The following GRIA1 variants were observed in gnomAD, a reference collection of about 807,000 sequenced individuals.
The protein encoded by GRIA1 is glutamate ionotropic receptor AMPA type subunit 1.
GRIA1 carries 31 observed loss-of-function variants against 99.2 expected under a neutral mutation model. The observed-to-expected ratio is 0.31, with a 90% CI of 0.23 to 0.42. GRIA1 has a LOEUF of 0.42. Among genes scored for constraint, GRIA1 ranks in the 10% least tolerant of loss-of-function variants. The probability of loss-of-function intolerance (pLI) is 1.00; values close to 1 mark genes in which losing one functional copy is unlikely to be tolerated. For missense variants in GRIA1, 782 were observed against 1,157.5 expected, an observed-to-expected ratio of 0.68 and a Z score of 4.71; for synonymous variants, 438 against 432.4, an observed-to-expected ratio of 1.01 and a Z score of -0.16.
In GRIA1 at chr5:153,583,442, A is replaced by T. The variant is rs530078411; in HGVS notation, c.221-63486A>T. 4.6e-5 allele frequency among the ~76,000 whole-genome samples: 7 copies of T among 152,248 alleles called. No homozygotes were observed. The East Asian group carries it at 1.4e-3, about 30-fold the overall frequency. ...CTCTTCCTAGCTTCTGGTGGTTGCC[A>T]TCAATCCTGGGTGATCCTTGACTTG... On this transcript the variant is annotated intron_variant, in intron 2 of 15. Coordinates refer to ENST00000285900, the MANE Select transcript of GRIA1 (RefSeq NM_000827.4).
chr5:153,661,713 T>C (rs1385936852), intron 5 of GRIA1, among the ~76,000 whole-genome samples: 1 of 152,218 alleles, frequency 6.6e-6, no homozygotes, highest in Non-Finnish European at 1.5e-5. Flanking sequence ...GAAAATAATG[T>C]CTGCACCTAC....
chr5:153,655,366 T>C (rs1459116938), intron 4 of GRIA1, among the ~76,000 whole-genome samples: 1 of 152,148 alleles, frequency 6.6e-6, no homozygotes, highest in Non-Finnish European at 1.5e-5. Flanking sequence ...CCACCATCCA[T>C]CTATTAACTC....
chr5:153,615,791 TC>T (rs1017258409), intron 2 of GRIA1, among the ~76,000 whole-genome samples: 2 of 152,190 alleles, frequency 1.3e-5, no homozygotes, highest in African/African-American at 4.8e-5. Flanking sequence ...CCCTTCCTCA[TC>T]CCCATCTCTA....
In GRIA1 at chr5:153,681,330, G is replaced by A. The variant is rs1581459400; in HGVS notation, c.1029+4169G>A. On this transcript the variant is annotated intron_variant, in intron 7 of 15. Coordinates refer to ENST00000285900, the MANE Select transcript of GRIA1 (RefSeq NM_000827.4). The stretch of plus-strand genomic sequence containing the variant: ...CCTCCCACCAGGCACCACCTCCAAC[G>A]TCCAGGGTCATATTTTAACATGAGA... 2.6e-5 allele frequency among the ~76,000 whole-genome samples: 4 copies of A among 152,292 alleles called. 1 individual carries two copies. The South Asian group carries it at 8.3e-4, about 32-fold the overall frequency.
chr5:153,660,786 G>C (rs1445446673), intron 5 of GRIA1, among the ~76,000 whole-genome samples: 1 of 152,146 alleles, frequency 6.6e-6, no homozygotes, highest in Admixed American at 6.5e-5. Flanking sequence ...CCTCTGTTTT[G>C]AGAAACACTC....
chr5:153,534,464 T>C (rs546297134), intron 2 of GRIA1, among the ~76,000 whole-genome samples: 1 of 152,314 alleles, frequency 6.6e-6, no homozygotes, highest in South Asian at 2.1e-4. Flanking sequence ...TAGTAAACAC[T>C]TCAGAAAACC....
intron 2 of GRIA1, among the ~76,000 whole-genome samples, chr5:153,635,875 T>C (rs1191149262): frequency 1.3e-5 from 2 of 152,216 alleles, no homozygotes; most frequent in Non-Finnish European, 2.9e-5. Flanking sequence ...CTTTTAGCCA[T>C]GGAGCAGTGT....
At chr5:153,512,438 C>T (rs1205941629) in intron 2 of GRIA1, among the ~76,000 whole-genome samples, 1 of 152,270 alleles carries the variant, frequency 6.6e-6, no homozygotes, top group Non-Finnish European at 1.5e-5. Context: ...AACTTCTAAA[C>T]AAACATATTT....
intron 13 of GRIA1, among the ~76,000 whole-genome samples, chr5:153,783,147 C>T (rs375105514): frequency 2.6e-5 from 4 of 152,248 alleles, no homozygotes; most frequent in Admixed American, 6.5e-5. Context: ...AAGAAAATAA[C>T]GGACCTGCTG....
At chr5:153,539,579 G>A (rs1185641030) in intron 2 of GRIA1, among the ~76,000 whole-genome samples, 1 of 152,160 alleles carries the variant, frequency 6.6e-6, no homozygotes, top group Non-Finnish European at 1.5e-5. Context: ...ACCTCAATTT[G>A]TACATATGTA....
chr5:153,664,425 A>G (rs755220478), intron 5 of GRIA1, among the ~76,000 whole-genome samples: 1 of 152,120 alleles, frequency 6.6e-6, no homozygotes, highest in Non-Finnish European at 1.5e-5. Flanking sequence ...GACAGAGGGC[A>G]GTAACCCTCT....
intron 2 of GRIA1, among the ~76,000 whole-genome samples, chr5:153,592,220 C>G (rs983454404): frequency 3.3e-5 from 5 of 152,198 alleles, no homozygotes; most frequent in African/African-American, 1.2e-4. Flanking sequence ...TGTTGTTTTT[C>G]AGAACTCACA....
intron 11 of GRIA1, among the ~76,000 whole-genome samples, chr5:153,728,168 G>C (rs371439582): frequency 6.5e-4 from 99 of 152,174 alleles, no homozygotes; most frequent in African/African-American, 1.2e-3. Flanking sequence ...GCTGGGAAAA[G>C]TGGCTAGCCA....
chr5:153,638,630 A>G (rs1050018842), intron 2 of GRIA1, among the ~76,000 whole-genome samples: 2 of 152,196 alleles, frequency 1.3e-5, no homozygotes, highest in African/African-American at 4.8e-5. Flanking sequence ...CTGTCCATGA[A>G]ATGCTGACAT....
chr5:153,686,245 A>T lies in GRIA1; in HGVS notation c.1050A>T (p.Thr350=). ...TCCAGGTGCGATTTGAAGGTTTAAC[A>T]GGAAACGTGCAGTTTAATGAGAAAG... is the stretch of plus-strand genomic sequence containing the variant. The part of the protein sequence containing the change: ...ALQQVRFEGL[T]GNVQFNEKGR... The change falls in exon 8 of 16, where the codon ACA becomes ACT. Residue 350 remains threonine (T), a synonymous_variant. Transcript: ENST00000285900. 6.2e-7 allele frequency: 1 copy of T among 1,613,878 alleles called. No individual in the cohort carries two copies. Among genetic ancestry groups the T allele is most frequent in the Non-Finnish European group, 8.5e-7 (1 of 1,179,724 alleles).
intron 11 of GRIA1, among the ~76,000 whole-genome samples, chr5:153,760,754 A>G (rs1430636290): frequency 6.6e-6 from 1 of 152,176 alleles, no homozygotes; most frequent in African/African-American, 2.4e-5. Context: ...TAGAAGCACC[A>G]CACTACCTGA....
chr5:153,498,531 A>G (rs1448488260), intron 2 of GRIA1, among the ~76,000 whole-genome samples: 4 of 152,240 alleles, frequency 2.6e-5, no homozygotes, highest in African/African-American at 9.6e-5. Context: ...CCCTAACTAC[A>G]GTGGGATGCC....
intron 8 of GRIA1, among the ~76,000 whole-genome samples, chr5:153,696,536 TGCTGGCAATTATTGTTGTTAATG>T (rs1758118026): frequency 1.3e-5 from 2 of 152,190 alleles, no homozygotes; most frequent in African/African-American, 4.8e-5. Context: ...GCATCATTAG[TGCTGGCAATTATTGTTGTTAATG>T]GCTGCGAGAT....
intron 12 of GRIA1, among the ~76,000 whole-genome samples, chr5:153,767,917 G>A (rs1763626460): frequency 6.6e-6 from 1 of 152,170 alleles, no homozygotes; most frequent in South Asian, 2.1e-4. Flanking sequence ...GTGTCTGTGT[G>A]CACAGCCTTA....
Sources: allele counts gnomAD v4.1 joint callset (sites outside exome capture counted in the v4.1 genomes callset), GRCh38; gene constraint gnomAD v4.1.1; transcripts MANE v1.5; gene names NCBI Gene and HGNC (gene_info 2026-07-23, HGNC 2026-07-21).